ASTN1: variants seen among roughly 807,000 people sequenced by gnomAD.
ASTN1 encodes astrotactin-1.
A neutral mutation model predicts 140.7 loss-of-function variants in ASTN1; 41 were observed. The observed-to-expected ratio is 0.29, with a 90% CI of 0.23 to 0.38. The LOEUF (loss-of-function observed/expected upper bound fraction) is 0.38. Among genes scored for constraint, ASTN1 ranks in the 10% least tolerant of loss-of-function variants. The pLI, the probability that ASTN1 is intolerant of heterozygous loss-of-function variation, is 1.00. For missense variants in ASTN1, 1,479 were observed against 1,678.8 expected, an observed-to-expected ratio of 0.88 and a Z score of 2.08; for synonymous variants, 640 against 652.2, an observed-to-expected ratio of 0.98 and a Z score of 0.29.
At chr1:177,028,307 T>A (rs558426798) in intron 5 of ASTN1, among the ~76,000 whole-genome samples, 1 of 152,128 alleles carries the variant, frequency 6.6e-6, no homozygotes, top group Non-Finnish European at 1.5e-5. Flanking sequence ...GTAATAAGTA[T>A]CAAGGGAGAT....
At chr1:177,034,407 A>G (rs1676609644) in intron 2 of ASTN1, among the ~76,000 whole-genome samples, 1 of 152,048 alleles carries the variant, frequency 6.6e-6, no homozygotes, top group East Asian at 1.9e-4. Flanking sequence ...CTGGTTTTCA[A>G]TTATTTCTTT....
At chr1:176,950,474 A>G (rs1672149116) in intron 11 of ASTN1, among the ~76,000 whole-genome samples, 1 of 152,166 alleles carries the variant, frequency 6.6e-6, no homozygotes, top group African/African-American at 2.4e-5. Flanking sequence ...ACTATGCTTA[A>G]GTACTTTAGG....
At chr1:177,122,322 C>T (rs1558111373) in intron 1 of ASTN1, among the ~76,000 whole-genome samples, 2 of 152,082 alleles carry the variant, frequency 1.3e-5, no homozygotes, top group Non-Finnish European at 2.9e-5. Flanking sequence ...AGCACGATGC[C>T]ACCCAAAACA....
chr1:176,888,604 A>G lies in ASTN1; in HGVS notation c.2941-400T>C, dbSNP rs187079868. Among the ~76,000 whole-genome samples, 20 of 152,272 alleles carry G rather than the reference A, an allele frequency of 1.3e-4. No homozygotes were observed. The East Asian group carries it at 3.7e-3, about 28-fold the overall frequency. ...TGCCCAGAGGCATTTGCCTTTTCCC[A>G]AATGCTTCTCTGTGCATCCTTATCT... On this transcript the variant is annotated intron_variant, in intron 17 of 22. Coordinates refer to ENST00000361833, the MANE Select transcript of ASTN1 (RefSeq NM_004319.3).
intron 16 of ASTN1, among the ~76,000 whole-genome samples, chr1:176,897,982 A>G (rs965613651): frequency 6.6e-6 from 1 of 152,118 alleles, no homozygotes; most frequent in Non-Finnish European, 1.5e-5. Context: ...GGGCGCTGCG[A>G]CCACAAACAC....
At chr1:177,036,010 A>AC (rs1676696726) in intron 2 of ASTN1, among the ~76,000 whole-genome samples, 1 of 137,650 alleles carries the variant, frequency 7.3e-6, no homozygotes, top group South Asian at 2.3e-4. Flanking sequence ...AGAGTCAGTG[A>AC]CTCTGGATGG....
chr1:177,112,820 T>A (rs773079424), intron 1 of ASTN1, among the ~76,000 whole-genome samples: 2 of 152,216 alleles, frequency 1.3e-5, no homozygotes, highest in Non-Finnish European at 2.9e-5. Context: ...TTCCCTTTTT[T>A]CAAGTCAGTC....
intron 1 of ASTN1, among the ~76,000 whole-genome samples, chr1:177,131,942 C>T (rs1681963772): frequency 6.6e-6 from 1 of 152,140 alleles, no homozygotes; most frequent in African/African-American, 2.4e-5. Flanking sequence ...AACTCACTCA[C>T]CCTGGAGGAA....
In ASTN1 at chr1:177,029,693, T is replaced by A. The variant is rs527984758; in HGVS notation, c.1061A>T (p.Glu354Val). Reference sequence around the variant, plus strand: ...GTAAAAGGTCAGCTGGGGGTCGTTTTCTGCCTCTGTGCCAGAATCCCCTTC... The same window carrying A: ...GTAAAAGGTCAGCTGGGGGTCGTTTACTGCCTCTGTGCCAGAATCCCCTTC... Reference protein sequence around the residue: ...NPEGDSGTEAENDPQLTFYTD... With the variant: ...NPEGDSGTEAVNDPQLTFYTD... Residue 354 changes from glutamate to valine, a missense_variant, in exon 5 of 23, where the codon GAA becomes GTA. Transcript: ENST00000361833. The A allele has an allele frequency of 1.2e-6, 2 of 1,613,694 alleles. No individual in the cohort carries two copies. Among genetic ancestry groups the A allele is most frequent in the African/African-American group, 2.7e-5 (2 of 75,044 alleles).
intron 8 of ASTN1, among the ~76,000 whole-genome samples, chr1:177,003,184 C>T (rs1350725760): frequency 6.6e-6 from 1 of 151,760 alleles, no homozygotes; most frequent in African/African-American, 2.4e-5. Flanking sequence ...GGACATAACA[C>T]ACACACACAA....
At chr1:176,961,330 T>C (rs1380055561) in intron 9 of ASTN1, among the ~76,000 whole-genome samples, 1 of 152,172 alleles carries the variant, frequency 6.6e-6, no homozygotes, top group African/African-American at 2.4e-5. Flanking sequence ...GCAGAGCAGC[T>C]CCTGAGACAC....
At chr1:177,005,605 G>T (rs1674954911) in intron 8 of ASTN1, among the ~76,000 whole-genome samples, 1 of 152,084 alleles carries the variant, frequency 6.6e-6, no homozygotes, top group Non-Finnish European at 1.5e-5. Context: ...AGTGAATAAA[G>T]AAAATGTTTT....
intron 1 of ASTN1, among the ~76,000 whole-genome samples, chr1:177,114,050 C>T (rs1384283143): frequency 6.6e-6 from 1 of 152,178 alleles, no homozygotes; most frequent in East Asian, 1.9e-4. Flanking sequence ...ACTTAAATAT[C>T]ATTCAAGGCA....
intron 8 of ASTN1, among the ~76,000 whole-genome samples, chr1:176,990,563 C>T (rs913140290): frequency 1.8e-4 from 27 of 151,916 alleles, no homozygotes; most frequent in Non-Finnish European, 3.4e-4. Context: ...AAGGAAGAGG[C>T]TGGCTGGATA....
intron 8 of ASTN1, among the ~76,000 whole-genome samples, chr1:176,966,603 C>T (rs79527446): frequency 0.013 from 1,974 of 152,178 alleles, 50 homozygotes; most frequent in African/African-American, 0.045. Flanking sequence ...ATAATTTGAG[C>T]GGAGGTTACA....
rs150786887 is a variant in ASTN1, at chr1:177,009,320, G to T, written c.1523+5471C>A. On this transcript the variant is annotated intron_variant, in intron 8 of 22. Transcript: ENST00000361833. ...AAAGGTATCCTCTCCACCAGATGTG[G>T]TCTTTGTCTTTTTAGTGGTCTCTAA... 9.9e-5 allele frequency among the ~76,000 whole-genome samples: 15 copies of T among 152,262 alleles called. No individual in the cohort carries two copies. The East Asian group carries it at 2.9e-3, about 29-fold the overall frequency.
At chr1:177,149,504 T>C (rs1259099158) in intron 1 of ASTN1, among the ~76,000 whole-genome samples, 2 of 67,604 alleles carry the variant, frequency 3.0e-5, no homozygotes, top group Admixed American at 2.3e-4. Flanking sequence ...AGTATATATA[T>C]AGTAAATATA....
intron 1 of ASTN1, among the ~76,000 whole-genome samples, chr1:177,150,704 T>C (rs1682994538): frequency 6.6e-6 from 1 of 152,026 alleles, no homozygotes; most frequent in African/African-American, 2.4e-5. Context: ...GTAAGTAAAA[T>C]GGAGTTATGA....
intron 8 of ASTN1, among the ~76,000 whole-genome samples, chr1:177,008,301 T>C (rs1350760298): frequency 6.6e-6 from 1 of 152,042 alleles, no homozygotes; most frequent in East Asian, 1.9e-4. Context: ...CTTTGGTCTG[T>C]TGGACACAGA....
Sources: gnomAD v4.1 joint callset for allele counts (sites outside exome capture counted in the v4.1 genomes callset) on GRCh38, gnomAD v4.1.1 for gene constraint, MANE v1.5 for transcripts, NCBI Gene and HGNC (gene_info 2026-07-23, HGNC 2026-07-21) for gene names.